Variants in SEMA4D observed in about 807,000 individuals in gnomAD.
The protein encoded by SEMA4D is semaphorin-4D.
SEMA4D carries 22 observed loss-of-function variants against 74.8 expected under a neutral mutation model. The observed-to-expected ratio is 0.29, with a 90% confidence interval of 0.21 to 0.42. The LOEUF is 0.42. Ranked by LOEUF, SEMA4D falls within the 10% of genes least tolerant of loss-of-function variation. SEMA4D has a pLI of 1.00. For synonymous variants in SEMA4D, 445 were observed against 463.7 expected, an observed-to-expected ratio of 0.96 and a Z score of 0.52; for missense variants, 937 against 1,118.4, an observed-to-expected ratio of 0.84 and a Z score of 2.31.
chr9:89,477,372 T>A (rs1382014086), intron 1 of SEMA4D, among the ~76,000 whole-genome samples: 1 of 151,998 alleles, frequency 6.6e-6, no homozygotes, highest in East Asian at 1.9e-4. Context: ...TTTTCTGGGC[T>A]CCACCATTCA....
intron 1 of SEMA4D, chr9:89,497,360 C>G (rs1458273351): frequency 6.6e-6 from 1 of 152,484 alleles, no homozygotes; most frequent in East Asian, 1.9e-4. Context: ...ACCACTGCGG[C>G]CCAACCTGCC....
chr9:89,377,389 C>T lies in SEMA4D; in HGVS notation c.*1315G>A, dbSNP rs570703384. ...TGGAAGATAAGACTGTCCACACACG[C>T]GCACAAACATCCAGAGTTTATTGCT... On this transcript the variant is annotated 3_prime_UTR_variant, in exon 16 of 16. Coordinates refer to ENST00000422704, the MANE Select transcript of SEMA4D (RefSeq NM_001371194.2). The T allele has an allele frequency of 3.4e-5, 7 of 204,282 alleles. No homozygotes were observed. The highest frequency in any genetic ancestry group is 1.1e-4 in the African/African-American group (5 of 43,480). 12.7% of individuals were successfully genotyped at this position (204,282 alleles called of 1,614,324 possible).
rs199805591 is a variant in SEMA4D, at chr9:89,379,150, T to G, written c.2143A>C (p.Asn715His). 6.8e-6 allele frequency: 11 copies of G among 1,614,052 alleles called. No homozygotes were observed. In the East Asian group the frequency reaches 2.2e-4, roughly 33 times the overall value. ...TCCGAGTGGAGCTGGGGGACCGTGTTGATGACGATCTTTGGTTCGCAGGAT... is the reference window on the plus strand; with the variant it reads ...TCCGAGTGGAGCTGGGGGACCGTGTGGATGACGATCTTTGGTTCGCAGGAT... ...GTSCEPKIVINTVPQLHSEKT... is the reference protein window; with the variant it reads ...GTSCEPKIVIHTVPQLHSEKT... The change falls in exon 16 of 16, where the codon AAC (asparagine) becomes CAC (histidine). Residue 715 changes from asparagine to histidine, a missense_variant. By Grantham distance (68) the Asn-to-His change is moderately conservative. Coordinates refer to ENST00000422704, the MANE Select transcript of SEMA4D (RefSeq NM_001371194.2).
At chr9:89,399,407 T>A in intron 4 of SEMA4D, 69 bp from the exon 5 acceptor site, 1 of 1,150,796 alleles carries the variant, frequency 8.7e-7, no homozygotes, top group Non-Finnish European at 1.3e-6. Context: ...TGCACAATTT[T>A]AAAAGCACAT....
At chr9:89,479,808 C>A in intron 1 of SEMA4D, 1 of 158,856 alleles carries the variant, frequency 6.3e-6, no homozygotes, top group Non-Finnish European at 1.4e-5. Flanking sequence ...CTCATAAAAG[C>A]AGCGTGGACC....
At chr9:89,451,301 G>A (rs1854443262) in intron 2 of SEMA4D, among the ~76,000 whole-genome samples, 1 of 152,102 alleles carries the variant, frequency 6.6e-6, no homozygotes, top group Admixed American at 6.5e-5. Flanking sequence ...TGTCAGTCAG[G>A]CCCCTCCCAT....
At chr9:89,398,185 T>C (rs1454670069) in intron 5 of SEMA4D, among the ~76,000 whole-genome samples, 1 of 152,060 alleles carries the variant, frequency 6.6e-6, no homozygotes, top group Non-Finnish European at 1.5e-5. Flanking sequence ...CAATCAGATG[T>C]TGCCTTTTCC....
At chr9:89,487,725 T>G (rs1163551674) in intron 1 of SEMA4D, among the ~76,000 whole-genome samples, 2 of 152,090 alleles carry the variant, frequency 1.3e-5, no homozygotes, top group Non-Finnish European at 2.9e-5. Context: ...TATATCGCAA[T>G]TAACAACTGG....
rs776275222 is a variant in SEMA4D, at chr9:89,396,830, C to T, written c.321G>A (p.Glu107=). ...GCAGCACCCGGATGTAGTTGAGGCACTCTGTCTGCAGGGAAGAGAAATGCA... is the reference window on the plus strand; with the variant it reads ...GCAGCACCCGGATGTAGTTGAGGCATTCTGTCTGCAGGGAAGAGAAATGCA... The part of the protein sequence containing the change: ...CAEKGKSKQT[E]CLNYIRVLQP... The change falls in exon 6 of 16, where the codon GAG becomes GAA. Residue 107 remains glutamate, a synonymous_variant. Coordinates refer to ENST00000422704, the MANE Select transcript of SEMA4D (RefSeq NM_001371194.2). The T allele has an allele frequency of 1.2e-6, 2 of 1,613,310 alleles. No homozygotes were observed. The highest frequency in any genetic ancestry group is 1.7e-6 in the Non-Finnish European group (2 of 1,179,572).
intron 1 of SEMA4D, among the ~76,000 whole-genome samples, chr9:89,474,969 A>C (rs1861406687): frequency 6.6e-6 from 1 of 152,214 alleles, no homozygotes; most frequent in Non-Finnish European, 1.5e-5. Flanking sequence ...GAACCTGAGG[A>C]GGGTGCCTGG....
At chr9:89,387,195 T>G (rs561924035) in intron 12 of SEMA4D, 191 bp downstream of exon 12, 2 of 568,354 alleles carry the variant, frequency 3.5e-6, no homozygotes, top group South Asian at 4.8e-5. Context: ...AGTAGCCTGG[T>G]GGTCCCAGAT....
chr9:89,403,059 A>C, intron 3 of SEMA4D, 43 bp from the exon 4 acceptor site: 1 of 1,586,982 alleles, frequency 6.3e-7, no homozygotes, highest in Non-Finnish European at 8.6e-7. Context: ...GGAAGAAAAG[A>C]GCGATGGAAG....
rs35513281 is a variant in SEMA4D at position 89,467,490 on chromosome 9, C to CG, written c.-309-11538dup. Among the ~76,000 whole-genome samples the CG allele has an allele frequency of 6.7e-4, 55 of 81,510 alleles. 1 individual carries two copies. Among genetic ancestry groups the CG allele is most frequent in the Non-Finnish European group, 1.3e-3 (50 of 38,840 alleles). 53.5% of individuals were successfully genotyped at this position (81,510 alleles called of 152,430 possible). On this transcript the variant is annotated intron_variant, in intron 1 of 15. Coordinates refer to ENST00000422704, the MANE Select transcript of SEMA4D (RefSeq NM_001371194.2). ...CAGGAAATGTGTTATTTGTTTAATC[C>CG]GGGGGAGTGGGGGAGGGGGAACCAC...
At chr9:89,464,411 C>T (rs755770835) in intron 1 of SEMA4D, among the ~76,000 whole-genome samples, 4 of 151,846 alleles carry the variant, frequency 2.6e-5, no homozygotes, top group Non-Finnish European at 5.9e-5. Context: ...TGGGGGGCAA[C>T]ACATTACAAG....
chr9:89,363,681 A>G (rs1437209083), intron 17 of SEMA4D: 5 of 1,594,536 alleles, frequency 3.1e-6, no homozygotes, highest in African/African-American at 1.3e-5. Flanking sequence ...TTTCACTGCC[A>G]TTGTAAATAG....
intron 13 of SEMA4D, chr9:89,384,708 G>A (rs1476104294): frequency 1.0e-6 from 1 of 985,320 alleles, no homozygotes; most frequent in South Asian, 4.7e-5. Context: ...GGAGGTGAGG[G>A]TGGAGGCACA....
intron 3 of SEMA4D, 148 bp from the exon 4 acceptor site, chr9:89,403,164 C>G: frequency 1.1e-6 from 1 of 898,700 alleles, no homozygotes. Flanking sequence ...GTTGCTGCAA[C>G]AGGCACTGCT....
At chr9:89,430,909 G>A (rs192039114) in intron 2 of SEMA4D, among the ~76,000 whole-genome samples, 49 of 152,254 alleles carry the variant, frequency 3.2e-4, no homozygotes, top group African/African-American at 8.7e-4. Context: ...CCCGGGAGGC[G>A]GAGGCTGCAG....
intron 7 of SEMA4D, 72 bp downstream of exon 7, chr9:89,393,490 C>G: frequency 2.3e-6 from 3 of 1,299,610 alleles, no homozygotes; most frequent in Admixed American, 1.7e-5. Flanking sequence ...AGAGAAGATC[C>G]AAATATCCTG....
Sources: allele counts gnomAD v4.1 joint callset (sites outside exome capture counted in the v4.1 genomes callset), GRCh38; gene constraint gnomAD v4.1.1; transcripts MANE v1.5; gene names NCBI Gene and HGNC (gene_info 2026-07-23, HGNC 2026-07-21).